Variants in NBAS observed in about 807,000 individuals in gnomAD.
The protein encoded by NBAS is NBAS subunit of NRZ tethering complex.
Under a neutral mutation model 302.5 loss-of-function variants are expected in NBAS, and 219 were observed. That is an observed-to-expected ratio of 0.72 (90% CI 0.65 to 0.81). NBAS has a LOEUF of 0.81. NBAS is among the 30% of genes least tolerant of loss of function. The probability of loss-of-function intolerance (pLI) is 0.00; values close to 1 mark genes in which losing one functional copy is unlikely to be tolerated. For missense variants in NBAS, 2,932 were observed against 2,841.6 expected (o/e 1.03, Z -0.72); for synonymous variants, 1,118 against 1,021.6 (o/e 1.09, Z -1.80).
At chr2:14,782,238 A>G in the NBAS span, among the ~76,000 whole-genome samples, 1 of 152,196 alleles carries the variant, frequency 6.6e-6, no homozygotes, top group Non-Finnish European at 1.5e-5. Context: ...GCTAGGAAGC[A>G]TTCATTAATT....
chr2:14,849,726 G>T, the NBAS span, among the ~76,000 whole-genome samples: 1 of 142,466 alleles, frequency 7.0e-6, no homozygotes, highest in Non-Finnish European at 1.5e-5. Context: ...ACTAACAGCA[G>T]ATCTCTTGTC....
At chr2:15,218,706 G>A in intron 48 of NBAS, 67 bp downstream of exon 48, 12 of 1,604,420 alleles carry the variant, frequency 7.5e-6, no homozygotes, top group Non-Finnish European at 1.0e-5. Context: ...GGGATTACAG[G>A]CGTGAGCAAC....
chr2:15,383,445 T>G, intron 28 of NBAS, 128 bp from the exon 29 acceptor site: 1 of 740,652 alleles, frequency 1.4e-6, no homozygotes, highest in Admixed American at 2.2e-5. Context: ...AGCTCTCAAA[T>G]GATCAAAAAG....
chr2:15,424,163 C>T lies in NBAS; in HGVS notation c.2577+152G>A, dbSNP rs1238783379. ...AAAAGCCACAAAACGTTCTAATGCACAGGATAACAAAGAAATAAATATTCA... is the reference window on the plus strand; with the variant it reads ...AAAAGCCACAAAACGTTCTAATGCATAGGATAACAAAGAAATAAATATTCA... On this transcript the variant is annotated intron_variant, in intron 23 of 51. Coordinates refer to ENST00000281513, the MANE Select transcript of NBAS (RefSeq NM_015909.4). The T allele has an allele frequency of 8.0e-6, 8 of 1,005,276 alleles. No individual in the cohort carries two copies. The South Asian group carries it at 9.7e-5, about 12-fold the overall frequency. The allele number at this position is 1,005,276 out of a possible 1,614,324, so 62.3% of individuals were successfully genotyped here.
chr2:15,312,806 C>T (rs1671339670), intron 38 of NBAS, among the ~76,000 whole-genome samples: 1 of 152,210 alleles, frequency 6.6e-6, no homozygotes, highest in Non-Finnish European at 1.5e-5. Context: ...TCATCCTCTC[C>T]TCTGCTGCCA....
intron 19 of NBAS, among the ~76,000 whole-genome samples, chr2:15,466,677 C>T (rs557547010): frequency 3.0e-4 from 45 of 152,304 alleles, no homozygotes; most frequent in African/African-American, 1.0e-3. Flanking sequence ...GTGGCTCACA[C>T]CTGTAATCCT....
the NBAS span, among the ~76,000 whole-genome samples, chr2:14,873,408 G>C: frequency 6.6e-6 from 1 of 152,222 alleles, no homozygotes; most frequent in Non-Finnish European, 1.5e-5. Flanking sequence ...GTAGAGATGG[G>C]ATTTTGCCAT....
chr2:15,226,098 G>T (rs1667140478), intron 47 of NBAS, among the ~76,000 whole-genome samples: 1 of 152,168 alleles, frequency 6.6e-6, no homozygotes. Context: ...TTACTTTCCT[G>T]TGCTGGCTCT....
intron 44 of NBAS, among the ~76,000 whole-genome samples, chr2:15,251,384 C>T (rs1033676222): frequency 1.3e-5 from 2 of 152,126 alleles, no homozygotes; most frequent in African/African-American, 4.8e-5. Context: ...TGCAGCAAAC[C>T]ACCATGGCAC....
the NBAS span, among the ~76,000 whole-genome samples, chr2:14,897,877 G>A: frequency 2.6e-5 from 4 of 152,280 alleles, no homozygotes; most frequent in South Asian, 6.2e-4. Flanking sequence ...AGAGGGACAC[G>A]GTTGGCTCCT....
chr2:15,536,284 C>T, intron 8 of NBAS, 134 bp downstream of exon 8: 1 of 1,034,426 alleles, frequency 9.7e-7, no homozygotes, highest in African/African-American at 1.6e-5. Flanking sequence ...CCACACCACT[C>T]TTTCAAATTC....
intron 25 of NBAS, among the ~76,000 whole-genome samples, chr2:15,404,453 G>A (rs141069021): frequency 6.4e-4 from 97 of 151,628 alleles, no homozygotes; most frequent in Middle Eastern, 3.5e-3. Flanking sequence ...TGTCTTACTT[G>A]TTCTCCCCAC....
chr2:15,112,441 T>C, the NBAS span, among the ~76,000 whole-genome samples: 3 of 152,084 alleles, frequency 2.0e-5, no homozygotes, highest in Non-Finnish European at 4.4e-5. Flanking sequence ...AACATACGTA[T>C]AATGGGAGAC....
the NBAS span, among the ~76,000 whole-genome samples, chr2:15,024,019 A>T: frequency 1.3e-5 from 2 of 152,046 alleles, no homozygotes; most frequent in Non-Finnish European, 2.9e-5. Flanking sequence ...GGTTTGTTAT[A>T]TAGGTAAACT....
intron 41 of NBAS, 73 bp downstream of exon 41, chr2:15,292,464 A>G (rs1670348585): frequency 6.8e-7 from 1 of 1,466,840 alleles, no homozygotes. Flanking sequence ...ACTGAAATTA[A>G]TAGTCCTGGT....
At chr2:15,002,989 C>G in the NBAS span, among the ~76,000 whole-genome samples, 1 of 152,254 alleles carries the variant, frequency 6.6e-6, no homozygotes, top group Non-Finnish European at 1.5e-5. Flanking sequence ...TCCCACGGTG[C>G]AGCGGCGGGC....
At chr2:15,121,711 T>C in the NBAS span, among the ~76,000 whole-genome samples, 1 of 147,774 alleles carries the variant, frequency 6.8e-6, no homozygotes, top group Non-Finnish European at 1.5e-5. Flanking sequence ...GTTACAGTTG[T>C]TGCAGATATA....
chr2:15,028,200 A>G, the NBAS span, among the ~76,000 whole-genome samples: 3 of 152,216 alleles, frequency 2.0e-5, no homozygotes, highest in African/African-American at 7.2e-5. Flanking sequence ...TGACTTTTAA[A>G]CAACAGATAA....
chr2:14,864,673 C>T, the NBAS span, among the ~76,000 whole-genome samples: 1 of 152,264 alleles, frequency 6.6e-6, no homozygotes, highest in East Asian at 1.9e-4. Flanking sequence ...AGGACAAGGA[C>T]ATCGAAGGTG....
Sources: allele counts gnomAD v4.1 joint callset (sites outside exome capture counted in the v4.1 genomes callset), GRCh38; gene constraint gnomAD v4.1.1; transcripts MANE v1.5; gene names NCBI Gene and HGNC (gene_info 2026-07-23, HGNC 2026-07-21).